TSPAN5: variants seen among roughly 807,000 people sequenced by gnomAD.
TSPAN5 encodes tetraspanin 5.
In TSPAN5, 10 loss-of-function variants were observed where a neutral mutation model predicts 37.1. The ratio of observed to expected loss-of-function variants is 0.27; its 90% CI spans 0.17 to 0.46. The LOEUF is 0.46. TSPAN5 is among the 20% of genes least tolerant of loss of function. The probability of loss-of-function intolerance (pLI) is 1.00; values close to 1 mark genes in which losing one functional copy is unlikely to be tolerated. For missense variants in TSPAN5, 195 were observed against 326.6 expected, an observed-to-expected ratio of 0.60 and a Z score of 3.11; for synonymous variants, 110 against 118.9, an observed-to-expected ratio of 0.93 and a Z score of 0.48.
At chr4:98,642,826 G>A (rs1416110263) in intron 1 of TSPAN5, among the ~76,000 whole-genome samples, 1 of 151,968 alleles carries the variant, frequency 6.6e-6, no homozygotes, top group Non-Finnish European at 1.5e-5. Flanking sequence ...TTAAAAAAAG[G>A]CTTATAGACT....
chr4:98,480,767 T>C (rs957873956), intron 4 of TSPAN5, among the ~76,000 whole-genome samples: 1 of 152,302 alleles, frequency 6.6e-6, no homozygotes, highest in South Asian at 2.1e-4. Context: ...AAAGGGATTA[T>C]TAGGGAGCCT....
At chr4:98,617,595 G>A (rs140514118) in intron 1 of TSPAN5, among the ~76,000 whole-genome samples, 9 of 152,112 alleles carry the variant, frequency 5.9e-5, no homozygotes, top group South Asian at 2.1e-4. Flanking sequence ...ATGCATTTCC[G>A]TCATGCCAAA....
intron 1 of TSPAN5, among the ~76,000 whole-genome samples, chr4:98,516,541 C>T (rs920450883): frequency 5.3e-5 from 8 of 152,340 alleles, no homozygotes; most frequent in African/African-American, 1.9e-4. Flanking sequence ...GCTAAAGCTA[C>T]TTTGGGGGCA....
At chr4:98,555,615 C>G (rs1754724136) in intron 1 of TSPAN5, among the ~76,000 whole-genome samples, 1 of 152,054 alleles carries the variant, frequency 6.6e-6, no homozygotes, top group Non-Finnish European at 1.5e-5. Flanking sequence ...GCCTTGAATA[C>G]AGAAGGTATT....
intron 1 of TSPAN5, among the ~76,000 whole-genome samples, chr4:98,552,335 A>T (rs1754641847): frequency 6.6e-6 from 1 of 152,240 alleles, no homozygotes; most frequent in South Asian, 2.1e-4. Flanking sequence ...ATTTAGTGCT[A>T]TAAACTTCCC....
In TSPAN5 at chr4:98,595,322, TTCTC is replaced by T. The variant is rs778438957; in HGVS notation, c.81+62820_81+62823del. Reference sequence around the variant, plus strand: ...ATTTTTTATTGTGTCTATTTGATTCTTCTCTCTTTTTTTATTAGTCTTGCTAGCG... The same window carrying T: ...ATTTTTTATTGTGTCTATTTGATTCTTCTTTTTTTATTAGTCTTGCTAGCG... On this transcript the variant is annotated intron_variant, in intron 1 of 7. Coordinates refer to ENST00000305798, the MANE Select transcript of TSPAN5 (RefSeq NM_005723.4). 1.5e-3 allele frequency among the ~76,000 whole-genome samples: 178 copies of T among 118,246 alleles called. 9 individuals are homozygous for T. Among genetic ancestry groups the T allele is most frequent in the Non-Finnish European group, 2.0e-3 (117 of 59,510 alleles). The allele number at this position is 118,246 out of a possible 152,430, so 77.6% of individuals were successfully genotyped here. A position where few individuals can be genotyped will look rare whatever the true frequency, so the allele number is the denominator to read the frequency against.
At chr4:98,531,213 C>T (rs1331225751) in intron 1 of TSPAN5, among the ~76,000 whole-genome samples, 2 of 152,142 alleles carry the variant, frequency 1.3e-5, no homozygotes, top group African/African-American at 2.4e-5. Flanking sequence ...AATGCTATCC[C>T]TCCCCTACCC....
chr4:98,627,446 C>T (rs113524728), intron 1 of TSPAN5, among the ~76,000 whole-genome samples: 118 of 151,882 alleles, frequency 7.8e-4, no homozygotes, highest in African/African-American at 2.1e-3. Flanking sequence ...CAGAATAACA[C>T]GAGTAAATGC....
At chr4:98,636,717 A>T (rs1452799079) in intron 1 of TSPAN5, among the ~76,000 whole-genome samples, 1 of 152,258 alleles carries the variant, frequency 6.6e-6, no homozygotes, top group Admixed American at 6.5e-5. Flanking sequence ...CAGCTTCTTC[A>T]TCTGGATGAC....
chr4:98,483,539 G>T (rs1460244176), intron 3 of TSPAN5: 1 of 152,206 alleles, frequency 6.6e-6, no homozygotes, highest in Non-Finnish European at 1.5e-5. Flanking sequence ...GATTAGGGAG[G>T]CTAGGCAGGG....
chr4:98,637,834 G>A (rs1756888530), intron 1 of TSPAN5, among the ~76,000 whole-genome samples: 1 of 152,092 alleles, frequency 6.6e-6, no homozygotes, highest in African/African-American at 2.4e-5. Context: ...CCAATAGGCT[G>A]GTTAACTGCT....
chr4:98,557,752 A>G (rs10018825), intron 1 of TSPAN5, among the ~76,000 whole-genome samples: 104,150 of 152,086 alleles, frequency 0.68, 35,768 homozygotes, highest in South Asian at 0.86. Flanking sequence ...ACATGATCAC[A>G]TCAGTGATAA....
chr4:98,609,754 T>C (rs765711428), intron 1 of TSPAN5, among the ~76,000 whole-genome samples: 2 of 152,156 alleles, frequency 1.3e-5, no homozygotes, highest in Non-Finnish European at 2.9e-5. Flanking sequence ...CAAGGCATTA[T>C]CTGTCCCTTA....
At chr4:98,530,224 G>C (rs1302437142) in intron 1 of TSPAN5, among the ~76,000 whole-genome samples, 1 of 152,230 alleles carries the variant, frequency 6.6e-6, no homozygotes, top group African/African-American at 2.4e-5. Flanking sequence ...GAGAGACAGT[G>C]AGCACATCCT....
intron 1 of TSPAN5, among the ~76,000 whole-genome samples, chr4:98,580,763 C>G (rs531069006): frequency 6.6e-6 from 1 of 152,218 alleles, no homozygotes; most frequent in South Asian, 2.1e-4. Flanking sequence ...AATGAGAAAC[C>G]TGCCACTGAG....
chr4:98,513,289 A>G (rs889590667), intron 1 of TSPAN5, among the ~76,000 whole-genome samples: 2 of 152,116 alleles, frequency 1.3e-5, no homozygotes, highest in Non-Finnish European at 1.5e-5. Context: ...TCATTCTCCT[A>G]CAAGTGCCAG....
intron 1 of TSPAN5, among the ~76,000 whole-genome samples, chr4:98,584,310 C>T (rs976814934): frequency 6.6e-6 from 1 of 152,112 alleles, no homozygotes; most frequent in African/African-American, 2.4e-5. Flanking sequence ...TCAATCATTC[C>T]CATTATATGC....
chr4:98,489,227 G>T (rs149612240), intron 2 of TSPAN5, among the ~76,000 whole-genome samples: 1 of 152,252 alleles, frequency 6.6e-6, no homozygotes, highest in African/African-American at 2.4e-5. Context: ...GATTTCCCAG[G>T]CCGAATAAGA....
At chr4:98,475,110 T>A (rs1752665340) in intron 7 of TSPAN5, among the ~76,000 whole-genome samples, 1 of 152,240 alleles carries the variant, frequency 6.6e-6, no homozygotes, top group Non-Finnish European at 1.5e-5. Flanking sequence ...ATTCTCCAAC[T>A]TTGTTTTACT....
Sources: allele counts gnomAD v4.1 joint callset (sites outside exome capture counted in the v4.1 genomes callset), GRCh38; gene constraint gnomAD v4.1.1; transcripts MANE v1.5; gene names NCBI Gene and HGNC (gene_info 2026-07-23, HGNC 2026-07-21).